Variants in SCLT1 observed in about 807,000 individuals in gnomAD.
The protein encoded by SCLT1 is sodium channel-associated protein 1.
Under a neutral mutation model 112.8 loss-of-function variants are expected in SCLT1, and 78 were observed. The ratio of observed to expected loss-of-function variants is 0.69; its 90% confidence interval spans 0.58 to 0.83. The LOEUF is 0.83. SCLT1 is among the 40% of genes least tolerant of loss of function. SCLT1 has a pLI of 0.00. For missense variants in SCLT1, 747 were observed against 770.4 expected, an observed-to-expected ratio of 0.97 and a Z score of 0.36; for synonymous variants, 257 against 254.7, an observed-to-expected ratio of 1.01 and a Z score of -0.09.
chr4:129,016,077 TG>T (rs60186931), intron 5 of SCLT1, among the ~76,000 whole-genome samples: 52 of 152,332 alleles, frequency 3.4e-4, no homozygotes, highest in South Asian at 8.3e-4. Context: ...AGTTCTAGAA[TG>T]TTTTTTTTTA....
intron 1 of SCLT1, among the ~76,000 whole-genome samples, chr4:129,088,814 A>G (rs1752605218): frequency 6.6e-6 from 1 of 152,216 alleles, no homozygotes; most frequent in South Asian, 2.1e-4. Context: ...AGAAAACTGA[A>G]ACTGGACCCT....
At chr4:128,980,893 A>C (rs1741590121) in intron 9 of SCLT1, among the ~76,000 whole-genome samples, 1 of 152,200 alleles carries the variant, frequency 6.6e-6, no homozygotes, top group Admixed American at 6.5e-5. Context: ...ACAGTTCAAG[A>C]AAATAATTGT....
At chr4:128,873,768 C>CTGTT (rs1302197036) in intron 5 of SCLT1, 1 of 152,472 alleles carries the variant, frequency 6.6e-6, no homozygotes, top group African/African-American at 2.4e-5. Flanking sequence ...ATTTATACAT[C>CTGTT]TGTTTCCATA....
intron 2 of SCLT1, among the ~76,000 whole-genome samples, chr4:129,045,672 A>G (rs1413266701): frequency 6.6e-6 from 1 of 152,080 alleles, no homozygotes; most frequent in Non-Finnish European, 1.5e-5. Flanking sequence ...AAGGTGCTCA[A>G]AGGGATCACT....
At position 128,946,205 on chromosome 4, in the gene SCLT1, A is replaced by AT. The variant is rs1471232464; in HGVS notation, c.1294-54_1294-53insA. 8 of 1,245,902 alleles carry AT rather than the reference A, an allele frequency of 6.4e-6. No homozygotes were observed. The East Asian group carries it at 1.4e-4, about 22-fold the overall frequency. 77.2% of individuals were successfully genotyped at this position (1,245,902 alleles called of 1,614,324 possible). On this transcript the variant is annotated intron_variant, in intron 15 of 20. Transcript: ENST00000281142. ...ATATTACAGAAGAAACTGTCTTAAT[A>AT]AACAGTTTAGAAACAGAAATCAATG... is the stretch of plus-strand genomic sequence containing the variant.
chr4:128,905,615 C>T (rs947297004), intron 18 of SCLT1, among the ~76,000 whole-genome samples: 20 of 152,110 alleles, frequency 1.3e-4, no homozygotes, highest in African/African-American at 4.6e-4. Context: ...AATCTGATCC[C>T]TGCTGAGGTA....
At chr4:129,011,803 G>T (rs1007475069) in intron 5 of SCLT1, among the ~76,000 whole-genome samples, 7 of 152,086 alleles carry the variant, frequency 4.6e-5, no homozygotes, top group African/African-American at 1.7e-4. Context: ...ATTTCTTCTA[G>T]ATATTCTAGT....
At chr4:129,062,862 A>C (rs1022399074) in intron 2 of SCLT1, among the ~76,000 whole-genome samples, 1 of 152,204 alleles carries the variant, frequency 6.6e-6, no homozygotes, top group African/African-American at 2.4e-5. Context: ...GTGCCTGAGT[A>C]AAGTCATCTT....
chr4:128,939,532 C>G (rs1317222399), intron 17 of SCLT1, among the ~76,000 whole-genome samples: 1 of 152,106 alleles, frequency 6.6e-6, no homozygotes, highest in African/African-American at 2.4e-5. Flanking sequence ...GTTTTATGGT[C>G]TCTCTTCTTT....
chr4:128,972,944 G>A (rs1306319175), intron 9 of SCLT1, among the ~76,000 whole-genome samples: 2 of 152,008 alleles, frequency 1.3e-5, no homozygotes, highest in Non-Finnish European at 2.9e-5. Context: ...GGCATATAAG[G>A]CCAGTCAACA....
intron 1 of SCLT1, among the ~76,000 whole-genome samples, chr4:129,086,605 AC>A (rs1752417187): frequency 1.2e-4 from 19 of 152,240 alleles, no homozygotes; most frequent in Admixed American, 1.0e-3. Context: ...TGGTATGAGA[AC>A]TGTAAAGGCA....
At chr4:129,084,442 T>A (rs1388961219) in intron 1 of SCLT1, among the ~76,000 whole-genome samples, 4 of 149,854 alleles carry the variant, frequency 2.7e-5, no homozygotes, top group African/African-American at 9.7e-5. Flanking sequence ...TAAAAAAAAA[T>A]AAATGCCCAG....
In SCLT1 at chr4:129,093,203, T is replaced by A. The variant is rs911641123; in HGVS notation, c.-100A>T. The A allele has an allele frequency of 4.3e-6, 5 of 1,154,548 alleles. No homozygotes were observed. The African/African-American group carries it at 7.6e-5, about 18-fold the overall frequency. The allele number at this position is 1,154,548 out of a possible 1,614,324, so 71.5% of individuals were successfully genotyped here. The stretch of plus-strand genomic sequence containing the variant: ...AAACAAAACTAAGCCAACGCTCGGT[T>A]GGTTGTCAAGCGCTCCAGCGGTGCA... On this transcript the variant is annotated 5_prime_UTR_variant, in exon 1 of 21. Transcript: ENST00000281142.
Position 128,912,131 on chromosome 4 carries a change from C to T in SCLT1, c.1830-20994G>A, listed in dbSNP as rs114951319. The stretch of plus-strand genomic sequence containing the variant: ...TGGTATATATAGAGACATCATTACA[C>T]GGAGAGTCAAATGCATCAAACAAGC... On this transcript the variant is annotated intron_variant, in intron 18 of 20. Coordinates refer to ENST00000281142, the MANE Select transcript of SCLT1 (RefSeq NM_144643.4). 5.4e-3 allele frequency among the ~76,000 whole-genome samples: 815 copies of T among 152,210 alleles called. 3 individuals are homozygous for T. Among genetic ancestry groups the T allele is most frequent in the Non-Finnish European group, 8.9e-3 (608 of 68,008 alleles).
At chr4:128,928,497 A>G (rs1736482820) in intron 18 of SCLT1, among the ~76,000 whole-genome samples, 2 of 152,188 alleles carry the variant, frequency 1.3e-5, no homozygotes, top group South Asian at 2.1e-4. Context: ...CAGATTACAT[A>G]GAACAAATTC....
chr4:129,002,833 G>A (rs1167632689), intron 6 of SCLT1, among the ~76,000 whole-genome samples: 2 of 150,808 alleles, frequency 1.3e-5, no homozygotes, highest in Non-Finnish European at 2.9e-5. Flanking sequence ...TACACTGTTG[G>A]TGGGAGTGTA....
At chr4:129,052,304 A>G (rs1345206716) in intron 2 of SCLT1, among the ~76,000 whole-genome samples, 7 of 152,152 alleles carry the variant, frequency 4.6e-5, no homozygotes, top group African/African-American at 1.7e-4. Context: ...GAATTGTACC[A>G]GCTCCTCTTT....
intron 15 of SCLT1, among the ~76,000 whole-genome samples, chr4:128,948,131 A>G (rs1348037657): frequency 6.6e-6 from 1 of 151,734 alleles, no homozygotes; most frequent in Non-Finnish European, 1.5e-5. Flanking sequence ...GTCAGGAGAT[A>G]GAGACCATCC....
At chr4:129,000,109 C>A (rs1743344764) in intron 6 of SCLT1, among the ~76,000 whole-genome samples, 1 of 151,720 alleles carries the variant, frequency 6.6e-6, no homozygotes, top group South Asian at 2.1e-4. Flanking sequence ...GCCCTAGAAA[C>A]TGATGAAGAA....
Sources: allele counts gnomAD v4.1 joint callset (sites outside exome capture counted in the v4.1 genomes callset), GRCh38; gene constraint gnomAD v4.1.1; transcripts MANE v1.5; gene names NCBI Gene and HGNC (gene_info 2026-07-23, HGNC 2026-07-21).